The following OLFM1 variants were observed in gnomAD, a reference collection of about 807,000 sequenced individuals.
The protein encoded by OLFM1 is olfactomedin 1, also known as noelin.
Under a neutral mutation model 49.7 loss-of-function variants are expected in OLFM1, and 9 were observed. That is an observed-to-expected ratio of 0.18 (90% CI 0.11 to 0.32). OLFM1 has a LOEUF of 0.32. Among genes scored for constraint, OLFM1 ranks in the 10% least tolerant of loss-of-function variants. The pLI, the probability that OLFM1 is intolerant of heterozygous loss-of-function variation, is 1.00. For missense variants in OLFM1, 369 were observed against 661.8 expected (o/e 0.56, Z 4.85); for synonymous variants, 240 against 271.8 (o/e 0.88, Z 1.15).
Position 135,106,705 on chromosome 9 carries a change from G to A in OLFM1, c.677-44G>A, listed in dbSNP as rs375014424. ...GAGGTCAGGGTCATCACCGCGGGCC[G>A]GGGCCCCCGCCCTCCCTCTCCTGAC... On this transcript the variant is annotated intron_variant, in intron 4 of 5. Coordinates refer to ENST00000371793, the MANE Select transcript of OLFM1 (RefSeq NM_001282611.2). The A allele has an allele frequency of 3.1e-4, 481 of 1,556,344 alleles. 4 individuals are homozygous for A. The South Asian group carries it at 4.8e-3, about 15-fold the overall frequency.
At chr9:135,094,445 T>C (rs1401235513) in intron 2 of OLFM1, among the ~76,000 whole-genome samples, 1 of 152,278 alleles carries the variant, frequency 6.6e-6, no homozygotes, top group African/African-American at 2.4e-5. Context: ...AGACAAACTT[T>C]ACATCTTTTC....
intron 1 of OLFM1, 143 bp from the exon 2 acceptor site, chr9:135,090,052 C>A: frequency 1.3e-6 from 1 of 768,536 alleles, no homozygotes; most frequent in Non-Finnish European, 2.0e-6. Context: ...CCCTTTGGGT[C>A]AAACATGTCT....
At chr9:135,084,227 C>T (rs149146981), upstream of OLFM1, among the ~76,000 whole-genome samples, 6 of 152,362 alleles carry the variant, frequency 3.9e-5, no homozygotes, top group East Asian at 1.2e-3. This position sits in a 1 kb window ranked among gnomAD's most constrained non-coding sequence, Gnocchi z 4.6. Flanking sequence ...GAAAAAGCTA[C>T]ATACAACGTA....
chr9:135,092,551 C>T (rs1830730717), intron 2 of OLFM1, among the ~76,000 whole-genome samples: 1 of 152,136 alleles, frequency 6.6e-6, no homozygotes. Context: ...TATTCAGAAG[C>T]TTAGATGGGG....
At position 135,098,408 on chromosome 9, in the gene OLFM1, C is replaced by A. The variant is rs184447617; in HGVS notation, c.579C>A (p.Asn193Lys). 5.6e-6 allele frequency: 9 copies of A among 1,613,912 alleles called. No individual in the cohort carries two copies. The East Asian group carries it at 2.0e-4, about 36-fold the overall frequency. Residue 193 changes from asparagine to lysine, a missense_variant, in exon 4 of 6, where the codon AAC becomes AAA. Coordinates refer to ENST00000371793, the MANE Select transcript of OLFM1 (RefSeq NM_001282611.2). The surrounding 1 kb of genome is among the most constrained non-coding windows in gnomAD (Gnocchi z 5.6). ...EEVQNLTSVLNELQEEIGAYD... is the reference protein window; with the variant it reads ...EEVQNLTSVLKELQEEIGAYD... ...TCCAGAATCTGACGTCAGTGCTTAA[C>A]GAGCTGCAAGAGGAAATTGGCGCCT...
chr9:135,102,205 C>T (rs774394699), intron 4 of OLFM1, among the ~76,000 whole-genome samples: 2 of 152,214 alleles, frequency 1.3e-5, no homozygotes, highest in South Asian at 2.1e-4. Flanking sequence ...CCATGCCCTA[C>T]ACTCTGTCCT....
At chr9:135,115,342 A>G (rs1292963610) in intron 5 of OLFM1, among the ~76,000 whole-genome samples, 1 of 152,140 alleles carries the variant, frequency 6.6e-6, no homozygotes, top group African/African-American at 2.4e-5. Context: ...GCCAGGCCCC[A>G]CTTCCCCAGC....
At chr9:135,102,164 G>C (rs934991276) in intron 4 of OLFM1, among the ~76,000 whole-genome samples, 1 of 152,194 alleles carries the variant, frequency 6.6e-6, no homozygotes, top group Non-Finnish European at 1.5e-5. Context: ...TCCCAGCTCG[G>C]GATGGCAGGG....
chr9:135,108,543 G>A (rs1830977385), intron 5 of OLFM1, among the ~76,000 whole-genome samples: 1 of 151,962 alleles, frequency 6.6e-6, no homozygotes, highest in South Asian at 2.1e-4. Context: ...TGAGGCATAA[G>A]AATCGCTTGA....
chr9:135,097,635 TCTTAAAGCAGTTTGTTTTGA>T (rs1830818662), intron 3 of OLFM1: 1 of 762,832 alleles, frequency 1.3e-6, no homozygotes, highest in African/African-American at 1.7e-5. Context: ...TCTCAATAAC[TCTTAAAGCAGTTTGTTTTGA>T]CTAACTCGAG....
At chr9:135,087,357 G>A, upstream of OLFM1, 1 of 1,545,190 alleles carries the variant, frequency 6.5e-7, no homozygotes, top group South Asian at 1.2e-5. Flanking sequence ...ATCGGAGAGG[G>A]ATGCCCCGGC....
upstream of OLFM1, chr9:135,087,211 G>T (rs970701945): frequency 3.2e-5 from 45 of 1,398,724 alleles, no homozygotes; most frequent in African/African-American, 6.0e-4. Context: ...TTCGGAGCCT[G>T]CCCTGCCTGC....
chr9:135,087,167 C>A, upstream of OLFM1: 1 of 1,337,666 alleles, frequency 7.5e-7, no homozygotes, highest in Non-Finnish European at 9.7e-7. Flanking sequence ...CGACGCCCCC[C>A]TGGCGCTGGA....
At chr9:135,087,301 G>T (rs1462671592), upstream of OLFM1, 1 of 1,510,730 alleles carries the variant, frequency 6.6e-7, no homozygotes, top group South Asian at 1.2e-5. Context: ...GGACGGCGCC[G>T]TCTCTCTGCC....
upstream of OLFM1, among the ~76,000 whole-genome samples, chr9:135,084,080 T>C (rs1211638036): frequency 6.6e-6 from 1 of 152,228 alleles, no homozygotes; most frequent in African/African-American, 2.4e-5. This position sits in a 1 kb window ranked among gnomAD's most constrained non-coding sequence, Gnocchi z 4.6. Context: ...AGGGAACACT[T>C]GGCTCAGAAG....
At chr9:135,118,754 GGTCTTTGGAGTGCTCGCCGT>G (rs71381853) in intron 5 of OLFM1, among the ~76,000 whole-genome samples, 5,212 of 147,950 alleles carry the variant, frequency 0.035, 325 homozygotes, top group Non-Finnish European at 0.044. Context: ...GTGCTCACTG[GGTCTTTGGAGTGCTCGCCGT>G]GTCTTTGGAG....
chr9:135,079,887 C>A (rs762694952), intron 1 of OLFM1, among the ~76,000 whole-genome samples: 1 of 151,986 alleles, frequency 6.6e-6, no homozygotes, highest in Non-Finnish European at 1.5e-5. Context: ...GACTGTTTGC[C>A]TTCAGGTTTT....
intron 3 of OLFM1, among the ~76,000 whole-genome samples, chr9:135,097,255 TAGC>T (rs1830811962): frequency 6.6e-6 from 1 of 152,174 alleles, no homozygotes; most frequent in Admixed American, 6.5e-5. Flanking sequence ...AATAAAATAA[TAGC>T]AGGCCCAATC....
intron 2 of OLFM1, chr9:135,095,158 A>T (rs1470064785): frequency 2.0e-5 from 3 of 152,218 alleles, no homozygotes; most frequent in African/African-American, 7.2e-5. Flanking sequence ...GCCTGTAAAG[A>T]TGTAAAACAG....
Sources: allele counts gnomAD v4.1 joint callset (sites outside exome capture counted in the v4.1 genomes callset), GRCh38; gene constraint gnomAD v4.1.1; non-coding constraint Gnocchi (gnomAD v3.1); transcripts MANE v1.5; gene names NCBI Gene and HGNC (gene_info 2026-07-23, HGNC 2026-07-21).